The following XKR9 variants were observed in gnomAD, a reference collection of about 807,000 sequenced individuals.
XKR9 encodes XK related 9.
A neutral mutation model predicts 32.0 loss-of-function variants in XKR9; 32 were observed. That is an observed-to-expected ratio of 1.00 (90% CI 0.76 to 1.34). The LOEUF is 1.34. XKR9 is among the 40% of genes most tolerant of loss of function. The pLI is 0.00. For synonymous variants in XKR9, 168 were observed against 143.4 expected (o/e 1.17, Z -1.22); for missense variants, 546 against 429.7 (o/e 1.27, Z -2.39).
the XKR9 span, among the ~76,000 whole-genome samples, chr8:70,798,506 G>T: frequency 6.6e-6 from 1 of 152,082 alleles, no homozygotes; most frequent in Non-Finnish European, 1.5e-5. Flanking sequence ...TAGGTTGTCC[G>T]TTTACTGTGT....
the XKR9 span, among the ~76,000 whole-genome samples, chr8:70,850,421 G>C: frequency 7.5e-6 from 1 of 133,226 alleles, no homozygotes; most frequent in African/African-American, 2.8e-5. Flanking sequence ...CCAAGATCTT[G>C]CTACTGCACT....
intron 2 of XKR9, among the ~76,000 whole-genome samples, chr8:70,781,682 T>C (rs999595295): frequency 8.5e-5 from 13 of 152,154 alleles, no homozygotes; most frequent in Admixed American, 4.6e-4. Flanking sequence ...ATTTCCCTGA[T>C]AATTACTGAT....
At chr8:70,947,432 A>AT in the XKR9 span, among the ~76,000 whole-genome samples, 1 of 152,268 alleles carries the variant, frequency 6.6e-6, no homozygotes, top group African/African-American at 2.4e-5. Context: ...TGAGAGGGAC[A>AT]TTTTATAAAC....
In XKR9 at chr8:70,735,775, C is replaced by T. The variant is rs898285286; in HGVS notation, c.*1351C>T. ...GATGATTTCCAGCTTCATCCATGTCCCTACAAAGGACATGAACTCATCATT... is the reference window on the plus strand; with the variant it reads ...GATGATTTCCAGCTTCATCCATGTCTCTACAAAGGACATGAACTCATCATT... On this transcript the variant is annotated 3_prime_UTR_variant, in exon 5 of 5. Transcript: ENST00000408926. 2.6e-5 allele frequency: 4 copies of T among 151,778 alleles called. No individual in the cohort carries two copies. Among genetic ancestry groups the T allele is most frequent in the African/African-American group, 9.7e-5 (4 of 41,276 alleles). 9.4% of individuals were successfully genotyped at this position (151,778 alleles called of 1,614,324 possible).
chr8:70,807,051 G>T, the XKR9 span, among the ~76,000 whole-genome samples: 1 of 152,172 alleles, frequency 6.6e-6, no homozygotes, highest in Non-Finnish European at 1.5e-5. Context: ...AAGCCCATCA[G>T]ACTAATAGCA....
the XKR9 span, among the ~76,000 whole-genome samples, chr8:70,855,371 G>A: frequency 3.9e-3 from 593 of 152,198 alleles, 3 homozygotes; most frequent in Admixed American, 6.2e-3. Context: ...TGGAAGAAAG[G>A]GTATCAGTGA....
the XKR9 span, among the ~76,000 whole-genome samples, chr8:70,951,118 C>T: frequency 6.6e-6 from 1 of 152,202 alleles, no homozygotes; most frequent in African/African-American, 2.4e-5. Context: ...GCCTTTAGCT[C>T]CCCAGGCTCA....
chr8:70,734,364 T>C lies in XKR9; in HGVS notation c.1062T>C (p.Asp354=). Residue 354 remains aspartate (D), a synonymous_variant, in exon 5 of 5, where the codon GAT becomes GAC. Transcript: ENST00000408926. ...ACAGAAGTGCAGAAACAAAATGTGA[T>C]GAAATTGATGGAAAACCAGTTCTAA... ...HPNRSAETKC[D]EIDGKPVLRE... The C allele has an allele frequency of 1.2e-6, 2 of 1,610,364 alleles. No homozygotes were observed. The highest frequency in any genetic ancestry group is 1.7e-6 in the Non-Finnish European group (2 of 1,179,384).
the XKR9 span, among the ~76,000 whole-genome samples, chr8:70,935,142 C>T: frequency 1.4e-5 from 2 of 142,280 alleles, no homozygotes; most frequent in African/African-American, 5.5e-5. Context: ...CATATATATA[C>T]ACATATATAC....
At chr8:70,764,295 A>G (rs1039199424) in intron 2 of XKR9, among the ~76,000 whole-genome samples, 1 of 152,130 alleles carries the variant, frequency 6.6e-6, no homozygotes, top group African/African-American at 2.4e-5. Context: ...CAGTTTTGCA[A>G]TGGAGTCCCA....
At chr8:70,692,208 C>T (rs901384819) in intron 3 of XKR9, among the ~76,000 whole-genome samples, 1 of 151,964 alleles carries the variant, frequency 6.6e-6, no homozygotes, top group African/African-American at 2.4e-5. Context: ...TCTTATTTGG[C>T]TCTCAGTTTG....
chr8:71,065,528 G>C, the XKR9 span, among the ~76,000 whole-genome samples: 1 of 152,156 alleles, frequency 6.6e-6, no homozygotes, highest in Non-Finnish European at 1.5e-5. Context: ...ATTTTGTTAC[G>C]GCAGCCCAAG....
the XKR9 span, among the ~76,000 whole-genome samples, chr8:71,025,918 A>G: frequency 2.0e-5 from 3 of 152,048 alleles, no homozygotes; most frequent in Non-Finnish European, 4.4e-5. Flanking sequence ...TTCATTCCAT[A>G]TCCTACATTT....
At chr8:70,698,853 A>G (rs1447008524) in intron 3 of XKR9, among the ~76,000 whole-genome samples, 1 of 152,112 alleles carries the variant, frequency 6.6e-6, no homozygotes, top group Non-Finnish European at 1.5e-5. Context: ...GACTTGCTTT[A>G]TGAATCTGGG....
the XKR9 span, among the ~76,000 whole-genome samples, chr8:70,955,052 T>C: frequency 6.6e-6 from 1 of 152,254 alleles, no homozygotes; most frequent in African/African-American, 2.4e-5. Flanking sequence ...ACGAGAGCTT[T>C]GTCCTGGGAG....
At position 70,719,905 on chromosome 8, in the gene XKR9, C is replaced by T. The variant is rs1308521284; in HGVS notation, c.493+12752C>T. Among the ~76,000 whole-genome samples, 9 of 152,222 alleles carry T rather than the reference C, an allele frequency of 5.9e-5. No individual in the cohort carries two copies. The East Asian group carries it at 9.7e-4, about 16-fold the overall frequency. On this transcript the variant is annotated intron_variant, in intron 4 of 4. Transcript: ENST00000408926. ...ACTTTGGGCAGCATGGCCATTTTCA[C>T]GATACTGAATCTTCCTATCCATGAG...
the XKR9 span, among the ~76,000 whole-genome samples, chr8:70,796,205 A>G: frequency 1.3e-5 from 2 of 152,140 alleles, no homozygotes; most frequent in Admixed American, 1.3e-4. Flanking sequence ...AATCCTTACC[A>G]TCCTCTGTCC....
the XKR9 span, among the ~76,000 whole-genome samples, chr8:70,996,122 A>T: frequency 6.6e-6 from 1 of 152,230 alleles, no homozygotes; most frequent in Non-Finnish European, 1.5e-5. Flanking sequence ...CAAAAGACTA[A>T]TTAACAAGAG....
At chr8:71,001,445 T>A in the XKR9 span, among the ~76,000 whole-genome samples, 1 of 152,134 alleles carries the variant, frequency 6.6e-6, no homozygotes, top group African/African-American at 2.4e-5. Context: ...GTATTTTTTG[T>A]AGACACAGCA....
Sources: gnomAD v4.1 joint callset for allele counts (sites outside exome capture counted in the v4.1 genomes callset) on GRCh38, gnomAD v4.1.1 for gene constraint, MANE v1.5 for transcripts, NCBI Gene and HGNC (gene_info 2026-07-23, HGNC 2026-07-21) for gene names.